Variants in PHF20 observed in about 807,000 individuals in gnomAD.
PHF20 encodes the protein PHD finger protein 20, also known as glioma-expressed antigen 2.
Under a neutral mutation model 113.5 loss-of-function variants are expected in PHF20, and 23 were observed. The observed-to-expected ratio is 0.20, with a 90% CI of 0.15 to 0.29. The LOEUF (loss-of-function observed/expected upper bound fraction) is 0.29, where lower values mean the gene tolerates loss of function less well. Ranked by LOEUF, PHF20 falls within the 10% of genes least tolerant of loss-of-function variation. The pLI is 1.00. For missense variants in PHF20, 943 were observed against 1,219.6 expected (o/e 0.77, Z 3.38); for synonymous variants, 434 against 457.3 (o/e 0.95, Z 0.65).
chr20:35,861,018 C>T (rs1039898581), intron 5 of PHF20, among the ~76,000 whole-genome samples: 3 of 152,180 alleles, frequency 2.0e-5, no homozygotes, highest in African/African-American at 4.8e-5. Context: ...CTGACCTTAG[C>T]CCGGTAGGCC....
At chr20:35,838,611 G>A (rs1260945031) in intron 2 of PHF20, among the ~76,000 whole-genome samples, 2 of 152,012 alleles carry the variant, frequency 1.3e-5, no homozygotes, top group Admixed American at 1.3e-4. Flanking sequence ...CTTTTTGAAG[G>A]CTGTGTGATA....
chr20:35,797,173 G>A (rs1332876190), intron 1 of PHF20, among the ~76,000 whole-genome samples: 1 of 151,802 alleles, frequency 6.6e-6, no homozygotes, highest in Non-Finnish European at 1.5e-5. Context: ...TTATAGGCAT[G>A]AGCCAGTGTA....
At chr20:35,943,213 T>C (rs930102085) in intron 17 of PHF20, among the ~76,000 whole-genome samples, 6 of 151,956 alleles carry the variant, frequency 3.9e-5, no homozygotes, top group Non-Finnish European at 7.4e-5. Flanking sequence ...CTGGGTGTGG[T>C]GGTGCACACG....
intron 9 of PHF20, among the ~76,000 whole-genome samples, chr20:35,872,841 A>G (rs1462162973): frequency 6.6e-6 from 1 of 152,218 alleles, no homozygotes; most frequent in African/African-American, 2.4e-5. Context: ...AATGTTTCAT[A>G]TGCACTTGAA....
chr20:35,863,520 C>T, intron 6 of PHF20, 120 bp downstream of exon 6: 3 of 1,045,174 alleles, frequency 2.9e-6, no homozygotes, highest in Non-Finnish European at 4.1e-6. Context: ...TTTGAATTGT[C>T]TTATGATCTG....
In PHF20 at chr20:35,870,976, A is replaced by G. The variant is rs2054410512; in HGVS notation, c.944A>G (p.Tyr315Cys). The G allele has an allele frequency of 6.3e-7, 1 of 1,596,158 alleles. No individual in the cohort carries two copies. The highest frequency in any genetic ancestry group is 8.5e-7 in the Non-Finnish European group (1 of 1,176,004). Residue 315 changes from tyrosine (Y) to cysteine (C), a missense_variant, in exon 8 of 18, where the codon TAC becomes TGC. Tyr to Cys is a radical substitution (Grantham distance 194). Around this residue, in one of 3 missense-constraint regions of PHF20, gnomAD observed 592 missense variants for 787.2 expected, o/e 0.75. Coordinates refer to ENST00000374012, the MANE Select transcript of PHF20 (RefSeq NM_016436.5). The stretch of plus-strand genomic sequence containing the variant: ...ATAGCCCAGGAAAAGTCAAAAAACT[A>G]CTCGGAAAACACTGACAAAGACTTA... ...KNSSQEKSKN[Y>C]SENTDKDLSR...
In PHF20 at chr20:35,842,762, G is replaced by A. The variant is rs1301349613; in HGVS notation, c.255+18G>A. 4 of 1,611,120 alleles carry A rather than the reference G, an allele frequency of 2.5e-6. No homozygotes were observed. The East Asian group carries it at 6.7e-5, about 27-fold the overall frequency. On this transcript the variant is annotated intron_variant, in intron 3 of 17. Coordinates refer to ENST00000374012, the MANE Select transcript of PHF20 (RefSeq NM_016436.5). ...GATCTTCTGTGAGTAACAAATCTGGGAAGTTCTGTAGTATGCAAGGTCAGC... is the reference window on the plus strand; with the variant it reads ...GATCTTCTGTGAGTAACAAATCTGGAAAGTTCTGTAGTATGCAAGGTCAGC...
intron 13 of PHF20, among the ~76,000 whole-genome samples, chr20:35,923,129 CA>C (rs530412485): frequency 1.3e-5 from 2 of 152,194 alleles, no homozygotes; most frequent in South Asian, 2.1e-4. Flanking sequence ...AACAAACAAA[CA>C]AAAACCCCTA....
intron 2 of PHF20, among the ~76,000 whole-genome samples, chr20:35,832,330 A>G (rs1433667726): frequency 2.0e-5 from 3 of 152,158 alleles, no homozygotes; most frequent in South Asian, 2.1e-4. Context: ...TGCACCTGGT[A>G]TACTTTATTA....
chr20:35,798,545 C>G (rs1362464248), intron 1 of PHF20, among the ~76,000 whole-genome samples: 1 of 151,814 alleles, frequency 6.6e-6, no homozygotes, highest in African/African-American at 2.4e-5. Flanking sequence ...ACCTCCACCT[C>G]CTGGGTTCAA....
intron 9 of PHF20, among the ~76,000 whole-genome samples, chr20:35,898,395 C>A (rs1398222217): frequency 6.6e-6 from 1 of 152,154 alleles, no homozygotes; most frequent in Non-Finnish European, 1.5e-5. Flanking sequence ...TGATCCAACT[C>A]ATAAGTGCTA....
chr20:35,777,375 G>A (rs189996779), intron 1 of PHF20, among the ~76,000 whole-genome samples: 1 of 152,340 alleles, frequency 6.6e-6, no homozygotes, highest in Admixed American at 6.5e-5. Context: ...GGGAAAGTAT[G>A]AGATGTAATG....
intron 4 of PHF20, among the ~76,000 whole-genome samples, chr20:35,852,419 CTT>C (rs1269403179): frequency 1.3e-5 from 2 of 152,082 alleles, no homozygotes; most frequent in African/African-American, 4.8e-5. Context: ...GCTCTGGACT[CTT>C]TTGAGCAGTT....
At chr20:35,941,718 C>T (rs2055983010) in intron 17 of PHF20, among the ~76,000 whole-genome samples, 1 of 152,172 alleles carries the variant, frequency 6.6e-6, no homozygotes, top group South Asian at 2.1e-4. Flanking sequence ...ATTCTGGGTA[C>T]AGTCTGGCTA....
At chr20:35,823,369 C>G (rs1213763554) in intron 2 of PHF20, among the ~76,000 whole-genome samples, 1 of 146,318 alleles carries the variant, frequency 6.8e-6, no homozygotes, top group African/African-American at 2.6e-5. Context: ...GGGAGGACAA[C>G]GTGGGAGGAT....
chr20:35,937,642 C>T (rs1009818653), intron 15 of PHF20, among the ~76,000 whole-genome samples: 25 of 152,092 alleles, frequency 1.6e-4, no homozygotes, highest in African/African-American at 5.8e-4. Flanking sequence ...TAATTTTCTC[C>T]TGGATCAGGA....
chr20:35,828,805 CT>C (rs2042307244), intron 2 of PHF20, among the ~76,000 whole-genome samples: 1 of 152,300 alleles, frequency 6.6e-6, no homozygotes, highest in African/African-American at 2.4e-5. Flanking sequence ...GGACTGGCAC[CT>C]CTAACCTATA....
At chr20:35,797,195 A>T (rs1296171510) in intron 1 of PHF20, among the ~76,000 whole-genome samples, 1 of 150,710 alleles carries the variant, frequency 6.6e-6, no homozygotes, top group Non-Finnish European at 1.5e-5. Flanking sequence ...CTGGCCAAAA[A>T]TTTGCATATT....
intron 17 of PHF20, among the ~76,000 whole-genome samples, chr20:35,945,118 C>T (rs1340093426): frequency 1.3e-5 from 2 of 152,120 alleles, no homozygotes; most frequent in African/African-American, 4.8e-5. Context: ...TTGGAACCCC[C>T]AAATACCAAC....
Sources: gnomAD v4.1 joint callset for allele counts (sites outside exome capture counted in the v4.1 genomes callset) on GRCh38, gnomAD v4.1.1 for gene constraint, gnomAD v4.1.1 regional missense constraint, MANE v1.5 for transcripts, NCBI Gene and HGNC (gene_info 2026-07-23, HGNC 2026-07-21) for gene names.